Variants in PRIM1 observed in about 807,000 individuals in gnomAD.
PRIM1 encodes the protein DNA primase subunit 1.
A neutral mutation model predicts 60.2 loss-of-function variants in PRIM1; 38 were observed. That is an observed-to-expected ratio of 0.63 (90% CI 0.49 to 0.83). The LOEUF is 0.83. Among genes scored for constraint, PRIM1 ranks in the 40% least tolerant of loss-of-function variants. The pLI, the probability that PRIM1 is intolerant of heterozygous loss-of-function variation, is 0.00. For missense variants in PRIM1, 388 were observed against 506.2 expected, an observed-to-expected ratio of 0.77 and a Z score of 2.24; for synonymous variants, 158 against 160.2, an observed-to-expected ratio of 0.99 and a Z score of 0.10.
intron 11 of PRIM1, among the ~76,000 whole-genome samples, chr12:56,734,945 G>A (rs916076552): frequency 6.6e-6 from 1 of 150,786 alleles, no homozygotes; most frequent in Non-Finnish European, 1.5e-5. Context: ...CCGACTAGCT[G>A]GGATTATAGG....
Position 56,750,592 on chromosome 12 carries a change from C to CT in PRIM1, c.261+445dup, listed in dbSNP as rs758888858. Reference sequence around the variant, plus strand: ...GAATGTAATTCTCTTTTATTTCCCTCTTTTTTTTTTTTTTTGAGGCCAAGT... The same window carrying CT: ...GAATGTAATTCTCTTTTATTTCCCTCTTTTTTTTTTTTTTTTGAGGCCAAGT... On this transcript the variant is annotated intron_variant, in intron 2 of 12. Transcript: ENST00000338193. Among the ~76,000 whole-genome samples the CT allele has an allele frequency of 3.3e-3, 470 of 143,270 alleles. 3 individuals are homozygous for CT. The highest frequency in any genetic ancestry group is 0.011 in the Middle Eastern group (3 of 274). 94.0% of individuals were successfully genotyped at this position (143,270 alleles called of 152,430 possible). A position where few individuals can be genotyped will look rare whatever the true frequency, so the allele number is the denominator to read the frequency against.
At chr12:56,736,343 T>G (rs1160294674) in intron 11 of PRIM1, among the ~76,000 whole-genome samples, 2 of 141,216 alleles carry the variant, frequency 1.4e-5, no homozygotes, top group Admixed American at 7.0e-5. Flanking sequence ...TACAATTTTA[T>G]TCATCCATTT....
At chr12:56,745,608 TG>T (rs1188633537) in intron 5 of PRIM1, among the ~76,000 whole-genome samples, 1 of 152,174 alleles carries the variant, frequency 6.6e-6, no homozygotes, top group African/African-American at 2.4e-5. Context: ...AATGATCTAT[TG>T]GTAAGATCAT....
At chr12:56,738,367 G>A (rs1953848348) in intron 11 of PRIM1, 67 bp downstream of exon 11, 1 of 1,520,070 alleles carries the variant, frequency 6.6e-7, no homozygotes, top group African/African-American at 1.4e-5. Flanking sequence ...ATTAATTACT[G>A]GAGTGACAGA....
chr12:56,732,877 T>C (rs1953794047), intron 12 of PRIM1, among the ~76,000 whole-genome samples: 2 of 151,742 alleles, frequency 1.3e-5, no homozygotes, highest in African/African-American at 2.4e-5. Context: ...TTTTTTGAGA[T>C]AGTGTCTTGC....
rs749469632 is a variant in PRIM1 at position 56,731,663 on chromosome 12, G to C, written c.*52C>G. 7.6e-6 allele frequency: 11 copies of C among 1,449,070 alleles called. No homozygotes were observed. Among genetic ancestry groups the C allele is most frequent in the Non-Finnish European group, 1.0e-5 (11 of 1,064,482 alleles). 89.8% of individuals were successfully genotyped at this position (1,449,070 alleles called of 1,614,324 possible). On this transcript the variant is annotated 3_prime_UTR_variant, in exon 13 of 13. Coordinates refer to ENST00000338193, the MANE Select transcript of PRIM1 (RefSeq NM_000946.3). ...TTATTAAATGGCTCTTGAAGTATTT[G>C]ATCTGTGGTTGAAGGCAGAAGATAT...
intron 11 of PRIM1, among the ~76,000 whole-genome samples, chr12:56,736,768 T>C (rs1953836172): frequency 1.3e-5 from 2 of 152,042 alleles, no homozygotes; most frequent in Non-Finnish European, 2.9e-5. Context: ...CCTCCCAGAG[T>C]GCTGGGATTA....
intron 12 of PRIM1, 37 bp from the exon 13 acceptor site, chr12:56,731,771 A>C: frequency 6.9e-7 from 1 of 1,442,704 alleles, no homozygotes; most frequent in Non-Finnish European, 9.4e-7. Context: ...AGAACAGCAA[A>C]GGAAACAAAA....
At chr12:56,736,066 G>A (rs1047877307) in intron 11 of PRIM1, among the ~76,000 whole-genome samples, 4 of 151,510 alleles carry the variant, frequency 2.6e-5, no homozygotes, top group African/African-American at 9.7e-5. Flanking sequence ...GGGAGGCCGA[G>A]GCAGGTGGAT....
intron 11 of PRIM1, among the ~76,000 whole-genome samples, chr12:56,734,898 G>A (rs1482088834): frequency 6.8e-5 from 10 of 146,084 alleles, no homozygotes; most frequent in Non-Finnish European, 1.3e-4. Context: ...TGCAACTTCC[G>A]CCTCCCAGGT....
chr12:56,734,071 A>C lies in PRIM1; in HGVS notation c.1243+76T>G, dbSNP rs1252038573. The C allele has an allele frequency of 6.5e-5, 64 of 986,504 alleles. No individual in the cohort carries two copies. In the South Asian group the frequency reaches 8.5e-4, roughly 13 times the overall value. The allele number at this position is 986,504 out of a possible 1,614,324, so 61.1% of individuals were successfully genotyped here. ...AATTTTGGGAGGAGGGCAAAGAAAGACTAGAACTCAAAAATTGCTCATTTC... is the reference window on the plus strand; with the variant it reads ...AATTTTGGGAGGAGGGCAAAGAAAGCCTAGAACTCAAAAATTGCTCATTTC... On this transcript the variant is annotated intron_variant, in intron 12 of 12. Transcript: ENST00000338193.
intron 5 of PRIM1, among the ~76,000 whole-genome samples, chr12:56,745,092 GC>G (rs1953897251): frequency 6.8e-6 from 1 of 147,002 alleles, no homozygotes; most frequent in Non-Finnish European, 1.5e-5. Context: ...GGGTAACAGA[GC>G]AAGACTCCGT....
At chr12:56,752,170 C>T in intron 1 of PRIM1, 26 bp downstream of exon 1, 1 of 1,520,630 alleles carries the variant, frequency 6.6e-7, no homozygotes, top group Non-Finnish European at 9.0e-7. Context: ...CACTCCGCTC[C>T]CGAACCCATT....
chr12:56,739,482 TC>T (rs1953856972), intron 9 of PRIM1, 119 bp from the exon 10 acceptor site: 1 of 572,936 alleles, frequency 1.7e-6, no homozygotes, highest in Non-Finnish European at 2.9e-6. Flanking sequence ...GTTAAACTTA[TC>T]TGTTAAGAAG....
At chr12:56,744,417 C>T (rs755333540) in intron 5 of PRIM1, among the ~76,000 whole-genome samples, 33 of 151,818 alleles carry the variant, frequency 2.2e-4, no homozygotes, top group African/African-American at 7.3e-4. Flanking sequence ...CGCTTGAACT[C>T]GGGAGGCAGA....
intron 4 of PRIM1, 51 bp from the exon 5 acceptor site, chr12:56,746,232 A>G (rs1335396582): frequency 1.2e-5 from 18 of 1,532,794 alleles, no homozygotes; most frequent in Non-Finnish European, 1.6e-5. Context: ...AAACTCCTTA[A>G]TTAATGTATA....
rs748140323 is a variant in PRIM1, at chr12:56,741,734, A to C, written c.840+12T>G. On this transcript the variant is annotated intron_variant, in intron 8 of 12. Transcript: ENST00000338193. ...TTATTATATCTGTAATACAGATTTC[A>C]GTGGCATATACCTGATATCTGCTGG... 1.9e-6 allele frequency: 3 copies of C among 1,609,772 alleles called. No individual in the cohort carries two copies. The highest frequency in any genetic ancestry group is 2.2e-5 in the South Asian group (2 of 90,706).
intron 2 of PRIM1, among the ~76,000 whole-genome samples, chr12:56,750,545 G>A (rs556484115): frequency 1.3e-5 from 2 of 150,388 alleles, no homozygotes; most frequent in African/African-American, 4.9e-5. Flanking sequence ...AAGAAAAAAA[G>A]AATAACTTCC....
chr12:56,732,020 A>T (rs964976861), intron 12 of PRIM1, among the ~76,000 whole-genome samples: 7 of 152,234 alleles, frequency 4.6e-5, no homozygotes, highest in Non-Finnish European at 7.3e-5. Flanking sequence ...TGAGTAGAGC[A>T]TTATCTTAGG....
Sources: allele counts gnomAD v4.1 joint callset (sites outside exome capture counted in the v4.1 genomes callset), GRCh38; gene constraint gnomAD v4.1.1; transcripts MANE v1.5; gene names NCBI Gene and HGNC (gene_info 2026-07-23, HGNC 2026-07-21).